Variants in CAPN1 observed in about 807,000 individuals in gnomAD.
CAPN1 encodes the protein calpain 1.
Under a neutral mutation model 105.2 loss-of-function variants are expected in CAPN1, and 77 were observed. That is an observed-to-expected ratio of 0.73 (90% CI 0.61 to 0.88). The LOEUF is 0.88. CAPN1 is among the 40% of genes least tolerant of loss of function. The pLI is 0.00. For missense variants in CAPN1, 833 were observed against 976.6 expected, an observed-to-expected ratio of 0.85 and a Z score of 1.96; for synonymous variants, 355 against 388.8, an observed-to-expected ratio of 0.91 and a Z score of 1.02.
Position 65,209,695 on chromosome 11 carries a change from C to G in CAPN1, c.1795-154C>G. On this transcript the variant is annotated intron_variant, in intron 17 of 21. Coordinates refer to ENST00000279247, the MANE Select transcript of CAPN1 (RefSeq NM_005186.4). This position sits in a 1 kb window ranked among gnomAD's most constrained non-coding sequence, Gnocchi z 4.1. ...CCCAGCTCAGAGAATAAGGCAAGCC[C>G]GGCTGTGGGCTGACTGTACATGGCT... 1.3e-6 allele frequency: 1 copy of G among 753,836 alleles called. No homozygotes were observed. The highest frequency in any genetic ancestry group is 1.7e-5 in the South Asian group (1 of 57,864). 46.7% of individuals were successfully genotyped at this position (753,836 alleles called of 1,614,324 possible). A position where few individuals can be genotyped will look rare whatever the true frequency, so the allele number is the denominator to read the frequency against.
At chr11:65,201,825 T>G (rs1379420302) in intron 10 of CAPN1, among the ~76,000 whole-genome samples, 5 of 137,688 alleles carry the variant, frequency 3.6e-5, no homozygotes, top group African/African-American at 8.2e-5. Flanking sequence ...GCTTTTGTTT[T>G]TGTTTTTTTT....
At chr11:65,186,499 C>G (rs900076884) in intron 6 of CAPN1, among the ~76,000 whole-genome samples, 161 bp downstream of exon 6, 1 of 152,090 alleles carries the variant, frequency 6.6e-6, no homozygotes, top group African/African-American at 2.4e-5. Flanking sequence ...TTCCACCCCC[C>G]ATGCCTGGTG....
At chr11:65,203,199 T>TCTC (rs58818455) in intron 10 of CAPN1, among the ~76,000 whole-genome samples, 37 of 12,286 alleles carry the variant, frequency 3.0e-3, no homozygotes, top group African/African-American at 4.6e-3. Context: ...ACATTCTCTC[T>TCTC]TTTTTTTTTT....
At chr11:65,193,752 A>G (rs541242842) in intron 10 of CAPN1, among the ~76,000 whole-genome samples, 9 of 148,982 alleles carry the variant, frequency 6.0e-5, no homozygotes, top group East Asian at 6.0e-4. Flanking sequence ...GTCTTGCTCT[A>G]TTGCCCAGGC....
In CAPN1 at chr11:65,211,457, G is replaced by C. The variant is rs973829492; in HGVS notation, c.*171G>C. 2 of 674,434 alleles carry C rather than the reference G, an allele frequency of 3.0e-6. No homozygotes were observed. The highest frequency in any genetic ancestry group is 5.3e-6 in the Non-Finnish European group (2 of 377,318). 41.8% of individuals were successfully genotyped at this position (674,434 alleles called of 1,614,324 possible). A position where few individuals can be genotyped will look rare whatever the true frequency, so the allele number is the denominator to read the frequency against. Reference sequence around the variant, plus strand: ...CCAGCCACCATCGTTCATCTGCTCCGGGCAGAACTGTGTGGCCCCTGCCTG... The same window carrying C: ...CCAGCCACCATCGTTCATCTGCTCCCGGCAGAACTGTGTGGCCCCTGCCTG... On this transcript the variant is annotated 3_prime_UTR_variant, in exon 22 of 22. Coordinates refer to ENST00000279247, the MANE Select transcript of CAPN1 (RefSeq NM_005186.4).
chr11:65,202,751 C>G (rs1048876902), intron 10 of CAPN1, among the ~76,000 whole-genome samples: 1 of 151,932 alleles, frequency 6.6e-6, no homozygotes, highest in African/African-American at 2.4e-5. Context: ...CCATATATTA[C>G]GATTTAAATA....
rs1297233638 is a variant in CAPN1, at chr11:65,188,023, G to A, written c.912G>A (p.Thr304=). Residue 304 remains threonine (T), a synonymous_variant, in exon 8 of 22, where the codon ACG becomes ACA. Transcript: ENST00000279247. This position sits in a 1 kb window ranked among gnomAD's most constrained non-coding sequence, Gnocchi z 5.5. ...ACCCCTGGGGCGAGGTGGAGTGGAC[G>A]GGAGCCTGGAGCGACAGGTGAGGGG... ...MRNPWGEVEW[T]GAWSDSSSEW... The A allele has an allele frequency of 9.0e-6, 14 of 1,560,644 alleles. No homozygotes were observed. The South Asian group carries it at 1.1e-4, about 12-fold the overall frequency.
chr11:65,193,056 C>T (rs1278906841), intron 10 of CAPN1, among the ~76,000 whole-genome samples: 1 of 150,580 alleles, frequency 6.6e-6, no homozygotes, highest in African/African-American at 2.4e-5. Context: ...TCTCAGCTTA[C>T]TGCAAGCTCT....
intron 10 of CAPN1, among the ~76,000 whole-genome samples, chr11:65,191,237 T>G (rs1383328949): frequency 1.3e-5 from 2 of 152,192 alleles, no homozygotes; most frequent in African/African-American, 4.8e-5. Flanking sequence ...CATAAAGAAT[T>G]TATACATCTC....
Position 65,206,685 on chromosome 11 carries a change from G to T in CAPN1, c.1565+11G>T, listed in dbSNP as rs998929192. On this transcript the variant is annotated intron_variant, in intron 13 of 21. Coordinates refer to ENST00000279247, the MANE Select transcript of CAPN1 (RefSeq NM_005186.4). ...GAGTGCTGGGACTGTGTGAGTCATG[G>T]ACTGGCCCCTGCCACTCTCCCCTCT... 1.2e-6 allele frequency: 2 copies of T among 1,611,898 alleles called. No individual in the cohort carries two copies. Among genetic ancestry groups the T allele is most frequent in the African/African-American group, 1.3e-5 (1 of 74,878 alleles).
chr11:65,187,058 G>A (rs1185317228), intron 6 of CAPN1, among the ~76,000 whole-genome samples, 157 bp from the exon 7 acceptor site: 1 of 152,206 alleles, frequency 6.6e-6, no homozygotes, highest in African/African-American at 2.4e-5. Flanking sequence ...GCATCTATAT[G>A]TGGGGGTGTC....
chr11:65,209,937 C>T lies in CAPN1; in HGVS notation c.1863+20C>T, dbSNP rs1949019333. 6.2e-7 allele frequency: 1 copy of T among 1,613,230 alleles called. No individual in the cohort carries two copies. On this transcript the variant is annotated intron_variant, in intron 18 of 21. Transcript: ENST00000279247. The surrounding 1 kb of genome is among the most constrained non-coding windows in gnomAD (Gnocchi z 4.1). The stretch of plus-strand genomic sequence containing the variant: ...TACCTGGTAGGTTGTCCCCACTCAC[C>T]TCAGTCATGCAGGTGCGGGCCGGGC...
chr11:65,186,614 TCTCAATCCATGCCATC>T (rs1948637952), intron 6 of CAPN1, among the ~76,000 whole-genome samples: 1 of 151,998 alleles, frequency 6.6e-6, no homozygotes, highest in Non-Finnish European at 1.5e-5. Context: ...ATTCCTGTCA[TCTCAATCCATGCCATC>T]CTCTGTCCAG....
At chr11:65,186,771 C>T (rs528013865) in intron 6 of CAPN1, among the ~76,000 whole-genome samples, 11 of 152,294 alleles carry the variant, frequency 7.2e-5, no homozygotes, top group South Asian at 4.1e-4. Context: ...CAGTCCTCAA[C>T]GCCAGACTTG....
rs200171225 is a variant in CAPN1, at chr11:65,187,193, C to G, written c.760-22C>G. On this transcript the variant is annotated intron_variant, in intron 6 of 21. Coordinates refer to ENST00000279247, the MANE Select transcript of CAPN1 (RefSeq NM_005186.4). Reference sequence around the variant, plus strand: ...GGCGGGGGGACCTAGCCACTGACCACAGTGTGTGCCTCTTTCTGCAGATCT... The same window carrying G: ...GGCGGGGGGACCTAGCCACTGACCAGAGTGTGTGCCTCTTTCTGCAGATCT... 29 of 1,597,470 alleles carry G rather than the reference C, an allele frequency of 1.8e-5. No individual in the cohort carries two copies. The East Asian group carries it at 6.3e-4, about 35-fold the overall frequency.
intron 4 of CAPN1, among the ~76,000 whole-genome samples, chr11:65,183,917 C>G (rs1430583409): frequency 6.6e-6 from 1 of 152,144 alleles, no homozygotes; most frequent in Non-Finnish European, 1.5e-5. Context: ...AAGGAGTGTT[C>G]GCTGGGGAAA....
At chr11:65,182,446 G>A (rs1948552266) in intron 1 of CAPN1, 1 of 496,208 alleles carries the variant, frequency 2.0e-6, no homozygotes, top group Non-Finnish European at 3.6e-6. Context: ...CTACAGAGCT[G>A]CAAGCCCCTG....
intron 10 of CAPN1, among the ~76,000 whole-genome samples, chr11:65,204,133 C>T (rs1252001899): frequency 6.6e-6 from 1 of 152,172 alleles, no homozygotes; most frequent in Non-Finnish European, 1.5e-5. Context: ...ACTCGAGCCA[C>T]CTTTTAGAGT....
rs763746740 is a variant in CAPN1 at position 65,211,306 on chromosome 11, T to A, written c.*20T>A. 1.9e-6 allele frequency: 3 copies of A among 1,611,244 alleles called. No individual in the cohort carries two copies. The South Asian group carries it at 3.3e-5, about 18-fold the overall frequency. On this transcript the variant is annotated 3_prime_UTR_variant, in exon 22 of 22. Coordinates refer to ENST00000279247, the MANE Select transcript of CAPN1 (RefSeq NM_005186.4). ...GCATGAGGCAGGGACTCGGTCCCCCTTGCCGTGCTCCCCTCCCTCCTCGTC... is the reference window on the plus strand; with the variant it reads ...GCATGAGGCAGGGACTCGGTCCCCCATGCCGTGCTCCCCTCCCTCCTCGTC...
Sources: allele counts gnomAD v4.1 joint callset (sites outside exome capture counted in the v4.1 genomes callset), GRCh38; gene constraint gnomAD v4.1.1; non-coding constraint Gnocchi (gnomAD v3.1); transcripts MANE v1.5; gene names NCBI Gene and HGNC (gene_info 2026-07-23, HGNC 2026-07-21).